PRCP: variants seen among roughly 807,000 people sequenced by gnomAD.
The protein encoded by PRCP is lysosomal Pro-X carboxypeptidase.
A neutral mutation model predicts 54.2 loss-of-function variants in PRCP; 46 were observed. The ratio of observed to expected loss-of-function variants is 0.85; its 90% CI spans 0.67 to 1.09. The LOEUF (loss-of-function observed/expected upper bound fraction) is 1.09, where lower values mean the gene tolerates loss of function less well. Among genes scored for constraint, PRCP ranks in the 50% least tolerant of loss-of-function variants. The pLI is 0.00. For missense variants in PRCP, 613 were observed against 596.8 expected, an observed-to-expected ratio of 1.03 and a Z score of -0.28; for synonymous variants, 240 against 212.2, an observed-to-expected ratio of 1.13 and a Z score of -1.14.
intron 1 of PRCP, among the ~76,000 whole-genome samples, chr11:82,894,093 A>G (rs10792662): frequency 0.24 from 36,855 of 151,990 alleles, 4,965 homozygotes; most frequent in Admixed American, 0.3. Context: ...TGTCAGAACC[A>G]TATAAAAAAA....
intron 3 of PRCP, among the ~76,000 whole-genome samples, chr11:82,852,587 T>C (rs565700044): frequency 3.7e-4 from 56 of 152,284 alleles, no homozygotes; most frequent in African/African-American, 1.3e-3. Flanking sequence ...CAAATTAATA[T>C]AGCCAAAGTC....
At chr11:82,871,008 C>G (rs1859467881) in intron 1 of PRCP, among the ~76,000 whole-genome samples, 1 of 151,848 alleles carries the variant, frequency 6.6e-6, no homozygotes, top group South Asian at 2.1e-4. Flanking sequence ...AATAATCTTG[C>G]CAGAACTCAT....
chr11:82,874,584 A>G (rs1378006191), intron 1 of PRCP, among the ~76,000 whole-genome samples: 3 of 151,186 alleles, frequency 2.0e-5, no homozygotes, highest in Admixed American at 2.0e-4. Flanking sequence ...CCAGCCACTC[A>G]GGAGGATGAA....
At chr11:82,827,955 A>G (rs1858282267) in intron 8 of PRCP, 1 of 152,190 alleles carries the variant, frequency 6.6e-6, no homozygotes, top group African/African-American at 2.4e-5. Flanking sequence ...TTTCCAATGT[A>G]TATATCTTGC....
chr11:82,865,387 A>T (rs977319066), intron 1 of PRCP, among the ~76,000 whole-genome samples: 1 of 152,236 alleles, frequency 6.6e-6, no homozygotes, highest in African/African-American at 2.4e-5. Flanking sequence ...TAACAGTTAC[A>T]TTGCAGAATA....
chr11:82,827,161 C>T (rs564947263), intron 8 of PRCP: 2 of 152,304 alleles, frequency 1.3e-5, no homozygotes, highest in East Asian at 3.9e-4. Flanking sequence ...ATTCTAGATA[C>T]AAGTCCCTTA....
chr11:82,900,865 C>T (rs1449843883), upstream of PRCP: 2 of 458,364 alleles, frequency 4.4e-6, no homozygotes, highest in African/African-American at 4.0e-5. Flanking sequence ...TACGTAACGG[C>T]AATAACAGCT....
chr11:82,867,866 C>T (rs573613624), intron 1 of PRCP, among the ~76,000 whole-genome samples: 136 of 152,160 alleles, frequency 8.9e-4, no homozygotes, highest in Middle Eastern at 3.4e-3. Flanking sequence ...TAACTAAAGG[C>T]GCACACCACC....
intron 6 of PRCP, among the ~76,000 whole-genome samples, chr11:82,848,535 T>A (rs576881359): frequency 5.3e-5 from 8 of 152,296 alleles, no homozygotes; most frequent in African/African-American, 1.9e-4. Flanking sequence ...ACTTTCAGAA[T>A]CTAATTTGAT....
At chr11:82,856,036 C>T (rs1165887299) in intron 2 of PRCP, among the ~76,000 whole-genome samples, 6 of 151,738 alleles carry the variant, frequency 4.0e-5, no homozygotes, top group East Asian at 3.9e-4. Context: ...CCAGGTGTGG[C>T]GGCTCATGCC....
chr11:82,873,195 T>G (rs1369944905), intron 1 of PRCP, among the ~76,000 whole-genome samples: 1 of 152,166 alleles, frequency 6.6e-6, no homozygotes, highest in Non-Finnish European at 1.5e-5. Context: ...AATTGCTACA[T>G]ATTTAACATA....
chr11:82,852,869 G>A (rs550009064), intron 3 of PRCP, among the ~76,000 whole-genome samples: 11 of 152,122 alleles, frequency 7.2e-5, no homozygotes, highest in East Asian at 5.8e-4. Flanking sequence ...TTTATAAAGC[G>A]GAATTGTTTA....
chr11:82,896,678 C>CAAAAAAA (rs68047129), intron 1 of PRCP, among the ~76,000 whole-genome samples: 4 of 55,682 alleles, frequency 7.2e-5, no homozygotes, highest in Non-Finnish European at 1.3e-4. Flanking sequence ...GACTCCAACT[C>CAAAAAAA]AAAAAAAAAA....
intron 1 of PRCP, among the ~76,000 whole-genome samples, chr11:82,882,213 G>C (rs1373601976): frequency 6.6e-6 from 1 of 151,926 alleles, no homozygotes; most frequent in Non-Finnish European, 1.5e-5. Context: ...AGACAGAAGA[G>C]ATGTATTGAA....
intron 1 of PRCP, among the ~76,000 whole-genome samples, chr11:82,888,634 T>C (rs767340116): frequency 1.8e-4 from 28 of 152,274 alleles, no homozygotes; most frequent in Non-Finnish European, 3.2e-4. Flanking sequence ...TGTAGATATG[T>C]TGGGAGAAGG....
intron 1 of PRCP, among the ~76,000 whole-genome samples, chr11:82,883,302 A>C (rs1357990002): frequency 6.6e-6 from 1 of 152,214 alleles, no homozygotes; most frequent in Admixed American, 6.5e-5. Flanking sequence ...AGGTGATACA[A>C]GACCTGAGCA....
chr11:82,852,124 C>T (rs1218701378), intron 3 of PRCP, among the ~76,000 whole-genome samples: 1 of 152,194 alleles, frequency 6.6e-6, no homozygotes, highest in African/African-American at 2.4e-5. Context: ...AAGCTAACTG[C>T]TTCCCAGTGG....
intron 8 of PRCP, chr11:82,835,609 AC>A: frequency 3.1e-6 from 1 of 320,140 alleles, no homozygotes; most frequent in Non-Finnish European, 6.0e-6. Context: ...ACAGAGAAAA[AC>A]CAGCCGAAGA....
Position 82,849,216 on chromosome 11 carries a change from T to G in PRCP, c.754A>C (p.Ser252Arg). ...GCTCCAGTAAGCCACTGCAAACCAC[T>G]GCCTGGGAATAGAATCACACTGTTG... ...DAINRLSNTG[S>R]GLQWLTGALH... Residue 252 changes from serine to arginine, a missense_variant and splice_region_variant, in exon 6 of 9, where the codon AGT becomes CGT. By Grantham distance (110) the Ser-to-Arg change is moderately radical. Transcript: ENST00000313010. 2 of 1,613,902 alleles carry G rather than the reference T, an allele frequency of 1.2e-6. No homozygotes were observed. Among genetic ancestry groups the G allele is most frequent in the Non-Finnish European group, 1.7e-6 (2 of 1,179,814 alleles).
Sources: allele counts gnomAD v4.1 joint callset (sites outside exome capture counted in the v4.1 genomes callset), GRCh38; gene constraint gnomAD v4.1.1; transcripts MANE v1.5; gene names NCBI Gene and HGNC (gene_info 2026-07-23, HGNC 2026-07-21).